ST6GALNAC3: variants seen among roughly 807,000 people sequenced by gnomAD.
ST6GALNAC3 encodes the protein ST6 N-acetylgalactosaminide alpha-2,6-sialyltransferase 3.
ST6GALNAC3 carries 25 observed loss-of-function variants against 32.7 expected under a neutral mutation model. The ratio of observed to expected loss-of-function variants is 0.76; its 90% CI spans 0.56 to 1.07. The LOEUF (loss-of-function observed/expected upper bound fraction) is 1.07, where lower values mean the gene tolerates loss of function less well. Ranked by LOEUF, ST6GALNAC3 falls within the 50% of genes least tolerant of loss-of-function variation. ST6GALNAC3 has a pLI of 0.00. For synonymous variants in ST6GALNAC3, 129 were observed against 133.1 expected (o/e 0.97, Z 0.21); for missense variants, 355 against 382.4 (o/e 0.93, Z 0.60).
At chr1:76,316,123 C>A (rs61771478) in intron 2 of ST6GALNAC3, among the ~76,000 whole-genome samples, 14,253 of 152,070 alleles carry the variant, frequency 0.094, 750 homozygotes, top group Middle Eastern at 0.16. Flanking sequence ...AGAAGTCTGA[C>A]AATACCAAGT....
At chr1:76,336,002 A>G (rs1416308479) in intron 2 of ST6GALNAC3, among the ~76,000 whole-genome samples, 1 of 152,218 alleles carries the variant, frequency 6.6e-6, no homozygotes, top group Admixed American at 6.5e-5. Flanking sequence ...ATGGATTTTA[A>G]TAAGGACTCC....
chr1:76,564,009 G>A (rs1124505), intron 3 of ST6GALNAC3, among the ~76,000 whole-genome samples: 9,076 of 152,274 alleles, frequency 0.06, 297 homozygotes, highest in Middle Eastern at 0.085. Context: ...CAAGAGGTAC[G>A]AGAGTACCAC....
chr1:76,145,904 T>A (rs910307838), intron 1 of ST6GALNAC3, among the ~76,000 whole-genome samples: 1 of 152,236 alleles, frequency 6.6e-6, no homozygotes. Flanking sequence ...GTGATTAATT[T>A]AAAAATTTGC....
At chr1:76,476,821 C>T (rs1490442615) in intron 3 of ST6GALNAC3, among the ~76,000 whole-genome samples, 1 of 152,212 alleles carries the variant, frequency 6.6e-6, no homozygotes, top group Non-Finnish European at 1.5e-5. Flanking sequence ...ACCCTCAGCT[C>T]TACTCATGTT....
chr1:76,385,559 A>G (rs1411786952), intron 2 of ST6GALNAC3, among the ~76,000 whole-genome samples: 2 of 152,138 alleles, frequency 1.3e-5, no homozygotes, highest in East Asian at 3.9e-4. Context: ...AAAAGAATCA[A>G]TATAATTAGT....
intron 1 of ST6GALNAC3, among the ~76,000 whole-genome samples, chr1:76,179,388 C>T (rs962333332): frequency 1.3e-5 from 2 of 152,088 alleles, no homozygotes; most frequent in Non-Finnish European, 2.9e-5. Flanking sequence ...ATAGTGAATC[C>T]CTTAACATAT....
intron 3 of ST6GALNAC3, among the ~76,000 whole-genome samples, chr1:76,484,631 A>G (rs1011509119): frequency 3.3e-5 from 5 of 152,154 alleles, no homozygotes; most frequent in African/African-American, 1.2e-4. Context: ...GGCTGAGACA[A>G]TGGGGTTTTC....
chr1:76,203,123 G>A (rs1355156936), intron 1 of ST6GALNAC3, among the ~76,000 whole-genome samples: 1 of 152,148 alleles, frequency 6.6e-6, no homozygotes, highest in Non-Finnish European at 1.5e-5. Flanking sequence ...CATGCCAAAG[G>A]AATGTGAGGA....
chr1:76,469,994 G>C (rs2101623258), intron 3 of ST6GALNAC3, among the ~76,000 whole-genome samples: 1 of 152,118 alleles, frequency 6.6e-6, no homozygotes, highest in Non-Finnish European at 1.5e-5. Flanking sequence ...TTCTAATACA[G>C]TAAAACTTCA....
chr1:76,287,197 T>G (rs1345068949), intron 1 of ST6GALNAC3, among the ~76,000 whole-genome samples: 1 of 152,216 alleles, frequency 6.6e-6, no homozygotes, highest in Non-Finnish European at 1.5e-5. Flanking sequence ...TCCTTAGTCA[T>G]GAAAATCATT....
chr1:76,322,793 G>A (rs910298606), intron 2 of ST6GALNAC3, among the ~76,000 whole-genome samples: 5 of 129,652 alleles, frequency 3.9e-5, no homozygotes, highest in Non-Finnish European at 6.2e-5. Context: ...CTGGTTAACC[G>A]AGTCATCTGA....
At chr1:76,392,543 G>T (rs1035971791) in intron 2 of ST6GALNAC3, among the ~76,000 whole-genome samples, 1 of 152,084 alleles carries the variant, frequency 6.6e-6, no homozygotes, top group Admixed American at 6.5e-5. Context: ...TGGATAATTA[G>T]CATTTTGGCT....
intron 1 of ST6GALNAC3, among the ~76,000 whole-genome samples, chr1:76,265,177 A>G (rs1658458222): frequency 6.6e-6 from 1 of 152,200 alleles, no homozygotes; most frequent in African/African-American, 2.4e-5. Context: ...GGGTAAGCAC[A>G]GCTAAAGTTT....
chr1:76,270,739 G>A (rs1374349860), intron 1 of ST6GALNAC3, among the ~76,000 whole-genome samples: 1 of 152,030 alleles, frequency 6.6e-6, no homozygotes, highest in Admixed American at 6.6e-5. Flanking sequence ...GGAACACCAG[G>A]TACAGATAGA....
At chr1:76,273,825 T>C (rs1658989469) in intron 1 of ST6GALNAC3, among the ~76,000 whole-genome samples, 1 of 152,188 alleles carries the variant, frequency 6.6e-6, no homozygotes, top group Admixed American at 6.5e-5. Flanking sequence ...TAATTTTTGC[T>C]ATAGTTATGT....
At chr1:76,588,481 G>A (rs1452575151) in intron 3 of ST6GALNAC3, among the ~76,000 whole-genome samples, 1 of 152,182 alleles carries the variant, frequency 6.6e-6, no homozygotes, top group East Asian at 1.9e-4. Flanking sequence ...TAGCACAAAA[G>A]TAATGCACTT....
chr1:76,365,896 C>T (rs188532057), intron 2 of ST6GALNAC3, among the ~76,000 whole-genome samples: 3 of 152,248 alleles, frequency 2.0e-5, no homozygotes, highest in African/African-American at 7.2e-5. Context: ...TTCACTTTCA[C>T]TCACTCTTCT....
chr1:76,188,505 A>T (rs1022916582), intron 1 of ST6GALNAC3, among the ~76,000 whole-genome samples: 1 of 152,194 alleles, frequency 6.6e-6, no homozygotes, highest in Non-Finnish European at 1.5e-5. Flanking sequence ...TTGATCTTCC[A>T]TTTACCTACT....
chr1:76,362,433 C>T (rs75431132), intron 2 of ST6GALNAC3, among the ~76,000 whole-genome samples: 11,122 of 152,190 alleles, frequency 0.073, 470 homozygotes, highest in Middle Eastern at 0.11. Flanking sequence ...GTCCTTTTCA[C>T]ATTGAAAAAT....
Sources: allele counts gnomAD v4.1 joint callset (sites outside exome capture counted in the v4.1 genomes callset), GRCh38; gene constraint gnomAD v4.1.1; transcripts MANE v1.5; gene names NCBI Gene and HGNC (gene_info 2026-07-23, HGNC 2026-07-21).